THADA: variants seen among roughly 807,000 people sequenced by gnomAD.
THADA encodes the protein THADA armadillo repeat containing.
THADA carries 213 observed loss-of-function variants against 219.8 expected under a neutral mutation model. That is an observed-to-expected ratio of 0.97 (90% CI 0.87 to 1.09). The LOEUF is 1.09. Among genes scored for constraint, THADA ranks in the 50% least tolerant of loss-of-function variants. THADA has a pLI of 0.00. For missense variants in THADA, 2,956 were observed against 2,311.3 expected (o/e 1.28, Z -5.72); for synonymous variants, 1,018 against 828.9 (o/e 1.23, Z -3.92).
At chr2:43,502,371 G>A (rs1056344451) in intron 24 of THADA, among the ~76,000 whole-genome samples, 5 of 152,154 alleles carry the variant, frequency 3.3e-5, no homozygotes, top group African/African-American at 9.7e-5. Context: ...AATCACCTGA[G>A]GTCAGGAGTT....
chr2:43,380,661 T>C (rs1671900577), intron 29 of THADA, among the ~76,000 whole-genome samples: 1 of 152,212 alleles, frequency 6.6e-6, no homozygotes, highest in South Asian at 2.1e-4. Context: ...AACACCCTAG[T>C]AGCCATGAGC....
At chr2:43,571,531 C>G (rs1699299651) in intron 13 of THADA, among the ~76,000 whole-genome samples, 176 bp downstream of exon 13, 1 of 151,978 alleles carries the variant, frequency 6.6e-6, no homozygotes, top group African/African-American at 2.4e-5. Context: ...GGATTTTAAT[C>G]CCAAATGTAA....
At chr2:43,488,650 C>T (rs1687209034) in intron 25 of THADA, among the ~76,000 whole-genome samples, 1 of 152,120 alleles carries the variant, frequency 6.6e-6, no homozygotes, top group African/African-American at 2.4e-5. Context: ...TATTCATGTA[C>T]AAGTTTTTGT....
At chr2:43,273,811 T>G (rs1180779728) in intron 36 of THADA, among the ~76,000 whole-genome samples, 1 of 152,198 alleles carries the variant, frequency 6.6e-6, no homozygotes, top group Non-Finnish European at 1.5e-5. Flanking sequence ...CCTCCCTGTT[T>G]GCTCAAGGGT....
chr2:43,274,979 C>CTTTCT (rs1241408989), intron 36 of THADA, among the ~76,000 whole-genome samples: 31 of 141,096 alleles, frequency 2.2e-4, no homozygotes, highest in Non-Finnish European at 4.4e-4. Context: ...AACTGTTTTC[C>CTTTCT]TTTCTTTTCT....
intron 7 of THADA, 88 bp from the exon 8 acceptor site, chr2:43,582,016 C>T (rs1700516489): frequency 1.1e-6 from 1 of 920,088 alleles, no homozygotes; most frequent in Admixed American, 3.4e-5. Flanking sequence ...ATACATTCCT[C>T]AAAGGCCCAA....
intron 29 of THADA, among the ~76,000 whole-genome samples, chr2:43,375,037 T>C (rs1671215336): frequency 6.6e-6 from 1 of 151,866 alleles, no homozygotes; most frequent in Non-Finnish European, 1.5e-5. Flanking sequence ...TAAATGGTCG[T>C]GGACCAAAAA....
chr2:43,513,196 G>C (rs992339786), intron 22 of THADA, among the ~76,000 whole-genome samples: 1 of 152,024 alleles, frequency 6.6e-6, no homozygotes, highest in African/African-American at 2.4e-5. Context: ...TAAAATCATC[G>C]GTTATTATGA....
intron 28 of THADA, among the ~76,000 whole-genome samples, chr2:43,399,664 C>G (rs1214240510): frequency 6.6e-6 from 1 of 152,100 alleles, no homozygotes. Flanking sequence ...CTCACATTAT[C>G]TGTGGGAAAG....
At position 43,398,090 on chromosome 2, in the gene THADA, A is replaced by T; in HGVS notation, c.4108T>A (p.Leu1370Met). 1 of 1,614,016 alleles carries T rather than the reference A, an allele frequency of 6.2e-7. No individual in the cohort carries two copies. The highest frequency in any genetic ancestry group is 8.5e-7 in the Non-Finnish European group (1 of 1,179,850). Residue 1370 changes from leucine (L) to methionine (M), a missense_variant, in exon 29 of 38, where the codon TTG becomes ATG. Transcript: ENST00000405975. Reference sequence around the variant, plus strand: ...TGATCTATCATAACAAATGGGACCAAGGCACGAGCTGCCATTTCACGGGAG... The same window carrying T: ...TGATCTATCATAACAAATGGGACCATGGCACGAGCTGCCATTTCACGGGAG... ...YHSREMAARA[L>M]VPFVMIDHIP...
intron 28 of THADA, among the ~76,000 whole-genome samples, chr2:43,413,598 G>T (rs1039056807): frequency 1.4e-4 from 22 of 152,122 alleles, no homozygotes; most frequent in Non-Finnish European, 3.1e-4. Flanking sequence ...TACTATTTCA[G>T]CCATCAAGTG....
At chr2:43,462,736 T>G (rs1203471896) in intron 26 of THADA, among the ~76,000 whole-genome samples, 1 of 152,190 alleles carries the variant, frequency 6.6e-6, no homozygotes, top group African/African-American at 2.4e-5. Flanking sequence ...AAGATGAATT[T>G]GGCTTTCCGT....
intron 22 of THADA, among the ~76,000 whole-genome samples, chr2:43,513,489 A>G (rs1188006598): frequency 6.6e-6 from 1 of 152,182 alleles, no homozygotes; most frequent in East Asian, 1.9e-4. Context: ...CTCTTTTGAG[A>G]AGAACCTGAA....
At position 43,279,772 on chromosome 2, in the gene THADA, C is replaced by T. The variant is rs1405615077; in HGVS notation, c.5289G>A (p.Gln1763=). The T allele has an allele frequency of 1.9e-6, 3 of 1,548,680 alleles. No individual in the cohort carries two copies. The East Asian group carries it at 7.3e-5, about 38-fold the overall frequency. The change falls in exon 36 of 38, where the codon CAG becomes CAA. Residue 1763 remains glutamine, a synonymous_variant. Coordinates refer to ENST00000405975, the MANE Select transcript of THADA (RefSeq NM_022065.5). ...TTAMSQENTC[Q]STEFAFCQVD... ...AGGATAAGAACGAGGTACCTGTTGACTGGCAGGTATTTTCTTGTGACATGG... is the reference window on the plus strand; with the variant it reads ...AGGATAAGAACGAGGTACCTGTTGATTGGCAGGTATTTTCTTGTGACATGG...
chr2:43,371,997 C>T (rs958905755), intron 29 of THADA: 13 of 152,294 alleles, frequency 8.5e-5, no homozygotes, highest in East Asian at 5.8e-4. Flanking sequence ...TGGGATAACT[C>T]GTTCCTGGGC....
Position 43,352,378 on chromosome 2 carries a change from C to T in THADA, c.4228-8141G>A, listed in dbSNP as rs13425334. On this transcript the variant is annotated intron_variant, in intron 29 of 37. Coordinates refer to ENST00000405975, the MANE Select transcript of THADA (RefSeq NM_022065.5). ...TTCGAGACCAGCCTGGCCAACATGG[C>T]GAAACCCCATCTCTACTAAAAATAC... Among the ~76,000 whole-genome samples, 1,436 of 151,898 alleles carry T rather than the reference C, an allele frequency of 9.5e-3. 25 individuals carry two copies. Among genetic ancestry groups the T allele is most frequent in the African/African-American group, 0.033 (1,360 of 41,414 alleles).
intron 3 of THADA, among the ~76,000 whole-genome samples, chr2:43,591,265 G>A (rs1208312029): frequency 6.6e-6 from 1 of 152,052 alleles, no homozygotes; most frequent in Non-Finnish European, 1.5e-5. Flanking sequence ...TTGAGGCTGT[G>A]GTTGAGCCAA....
At chr2:43,566,972 A>T (rs541639321) in intron 14 of THADA, among the ~76,000 whole-genome samples, 151 bp from the exon 15 acceptor site, 4 of 152,310 alleles carry the variant, frequency 2.6e-5, no homozygotes, top group African/African-American at 9.6e-5. Context: ...ACTTTGCTTA[A>T]TAATTCAGGT....
At chr2:43,253,063 C>T (rs915620384) in intron 36 of THADA, among the ~76,000 whole-genome samples, 3 of 152,196 alleles carry the variant, frequency 2.0e-5, no homozygotes, top group African/African-American at 7.2e-5. Flanking sequence ...TAAGCTCAAA[C>T]TTCCGTCCCC....
Sources: gnomAD v4.1 joint callset for allele counts (sites outside exome capture counted in the v4.1 genomes callset) on GRCh38, gnomAD v4.1.1 for gene constraint, MANE v1.5 for transcripts, NCBI Gene and HGNC (gene_info 2026-07-23, HGNC 2026-07-21) for gene names.